Variants in NUP98 observed in about 807,000 individuals in gnomAD.
NUP98 encodes the protein nucleoporin 98 and 96 precursor.
In NUP98, 26 loss-of-function variants were observed where a neutral mutation model predicts 191.9. That is an observed-to-expected ratio of 0.14 (90% CI 0.10 to 0.19). NUP98 has a LOEUF of 0.19. NUP98 is among the 10% of genes least tolerant of loss of function. NUP98 has a pLI of 1.00. For synonymous variants in NUP98, 808 were observed against 778.4 expected (o/e 1.04, Z -0.63); for missense variants, 1,941 against 2,178.8 (o/e 0.89, Z 2.17).
chr11:3,685,043 C>A (rs911337616), intron 29 of NUP98, among the ~76,000 whole-genome samples: 12 of 152,214 alleles, frequency 7.9e-5, no homozygotes, highest in African/African-American at 2.9e-4. Flanking sequence ...GGGTTACTGA[C>A]CTGTAAAACA....
At chr11:3,719,056 G>A (rs1589800181) in intron 18 of NUP98, among the ~76,000 whole-genome samples, 2 of 151,694 alleles carry the variant, frequency 1.3e-5, no homozygotes, top group African/African-American at 2.4e-5. Context: ...GGAGTCGGAG[G>A]TTGCAGTGAA....
At chr11:3,712,490 GT>G in intron 20 of NUP98, 73 bp downstream of exon 20, 2 of 1,596,072 alleles carry the variant, frequency 1.3e-6, no homozygotes, top group African/African-American at 2.7e-5. Context: ...AAACAGCTTT[GT>G]ATTAGCTGAA....
At chr11:3,708,488 C>T (rs1005404025) in intron 20 of NUP98, among the ~76,000 whole-genome samples, 1 of 152,092 alleles carries the variant, frequency 6.6e-6, no homozygotes, top group Non-Finnish European at 1.5e-5. Flanking sequence ...TTTATTTATT[C>T]TATTCACACA....
At chr11:3,721,723 G>A (rs2079408009) in intron 16 of NUP98, among the ~76,000 whole-genome samples, 1 of 150,648 alleles carries the variant, frequency 6.6e-6, no homozygotes. Context: ...GAGGAAGGAA[G>A]AAAAGAAGAA....
intron 12 of NUP98, among the ~76,000 whole-genome samples, chr11:3,744,058 C>CA (rs1180113119): frequency 6.6e-6 from 1 of 151,522 alleles, no homozygotes; most frequent in Non-Finnish European, 1.5e-5. Flanking sequence ...GACTCCTTTT[C>CA]AAAAAAATAA....
chr11:3,702,309 ACACACTCTCTCT>A (rs1167756766), intron 23 of NUP98, among the ~76,000 whole-genome samples, 142 bp downstream of exon 23: 339 of 53,380 alleles, frequency 6.4e-3, no homozygotes, highest in Non-Finnish European at 7.5e-3. Flanking sequence ...ACACACACAC[ACACACTCTCTCT>A]CTCTCTCTCT....
chr11:3,690,256 T>C (rs572088719), intron 28 of NUP98, among the ~76,000 whole-genome samples: 35 of 150,232 alleles, frequency 2.3e-4, no homozygotes, highest in African/African-American at 8.5e-4. Context: ...CCTGGCTGTC[T>C]GCATTTTTTT....
At chr11:3,796,675 G>C (rs568002040) in intron 1 of NUP98, among the ~76,000 whole-genome samples, 13 of 152,332 alleles carry the variant, frequency 8.5e-5, no homozygotes, top group African/African-American at 2.4e-4. Context: ...GGGAGGGTGA[G>C]GTAGTAGAAA....
intron 27 of NUP98, 116 bp from the exon 28 acceptor site, chr11:3,691,605 G>A (rs12363836): frequency 0.1 from 103,751 of 999,528 alleles, 5,903 homozygotes; most frequent in South Asian, 0.17. Context: ...CCAGGCTGGA[G>A]TGCAGTGGGA....
intron 26 of NUP98, 64 bp downstream of exon 26, chr11:3,695,385 C>A (rs937994501): frequency 5.7e-6 from 8 of 1,395,036 alleles, no homozygotes; most frequent in Admixed American, 2.6e-5. Context: ...CTTGCCTCAA[C>A]CTCAAACCAG....
chr11:3,773,312 T>C (rs1303753945), intron 6 of NUP98, among the ~76,000 whole-genome samples: 3 of 151,442 alleles, frequency 2.0e-5, no homozygotes, highest in African/African-American at 4.9e-5. Context: ...GCTAAGGACA[T>C]GAAGCCTGGG....
At chr11:3,686,222 T>G in intron 28 of NUP98, 28 bp from the exon 29 acceptor site, 2 of 1,603,162 alleles carry the variant, frequency 1.2e-6, no homozygotes, top group Non-Finnish European at 1.7e-6. Context: ...AGAGTCAACA[T>G]ACACAGCCAG....
chr11:3,765,152 A>C (rs1417763435), intron 8 of NUP98, among the ~76,000 whole-genome samples: 1 of 152,142 alleles, frequency 6.6e-6, no homozygotes, highest in South Asian at 2.1e-4. Flanking sequence ...AGGTCTTTTC[A>C]CTTTGATGAT....
At position 3,716,849 on chromosome 11, in the gene NUP98, C is replaced by A. The variant is rs2079201644; in HGVS notation, c.2399+2563G>T. Among the ~76,000 whole-genome samples, 3 of 152,144 alleles carry A rather than the reference C, an allele frequency of 2.0e-5. No homozygotes were observed. The South Asian group carries it at 6.2e-4, about 32-fold the overall frequency. On this transcript the variant is annotated intron_variant, in intron 18 of 32. Transcript: ENST00000324932. ...AGTTTTGAAATTTGGACATGTGAGA[C>A]CTCCAAATTGTTCTTTTTTGAGAGT...
At chr11:3,724,789 A>AAAAAAAAAAAAAAAAAAAAAAG (rs1259105482) in intron 15 of NUP98, among the ~76,000 whole-genome samples, 3 of 150,358 alleles carry the variant, frequency 2.0e-5, no homozygotes, top group African/African-American at 4.9e-5. Flanking sequence ...TCAAAAAAAA[A>AAAAAAAAAAAAAAAAAAAAAAG]AAAGAAAGAA....
chr11:3,768,507 T>C, intron 8 of NUP98, 74 bp downstream of exon 8: 1 of 1,339,172 alleles, frequency 7.5e-7, no homozygotes, highest in Admixed American at 2.5e-5. Context: ...ATTTGCTAGT[T>C]TGACATGATT....
At chr11:3,720,551 T>A (rs926566329) in intron 17 of NUP98, among the ~76,000 whole-genome samples, 161 bp downstream of exon 17, 7 of 151,854 alleles carry the variant, frequency 4.6e-5, no homozygotes, top group African/African-American at 1.7e-4. Flanking sequence ...ATGGTTCCAG[T>A]CTTTCTTGTT....
chr11:3,783,815 A>C lies in NUP98; in HGVS notation c.-28-1670T>G, dbSNP rs1019711249. On this transcript the variant is annotated intron_variant, in intron 1 of 32. Coordinates refer to ENST00000324932, the MANE Select transcript of NUP98 (RefSeq NM_016320.5). ...ACCAAACTGTTCCAAGAACGCCTAC[A>C]CAGAAAAGTTTGGTTCCCCCTGTCT... is the stretch of plus-strand genomic sequence containing the variant. 3.3e-5 allele frequency among the ~76,000 whole-genome samples: 5 copies of C among 152,148 alleles called. No homozygotes were observed. In the South Asian group the frequency reaches 6.2e-4, roughly 19 times the overall value.
chr11:3,776,072 G>GCATCTTATACATTCT, intron 4 of NUP98, 51 bp from the exon 5 acceptor site: 1 of 1,395,626 alleles, frequency 7.2e-7, no homozygotes, highest in Non-Finnish European at 1.0e-6. Flanking sequence ...ATTTAAGAAT[G>GCATCTTATACATTCT]TATAAGATGC....
Sources: gnomAD v4.1 joint callset for allele counts (sites outside exome capture counted in the v4.1 genomes callset) on GRCh38, gnomAD v4.1.1 for gene constraint, MANE v1.5 for transcripts, NCBI Gene and HGNC (gene_info 2026-07-23, HGNC 2026-07-21) for gene names.